Variants in PTPN14 observed in about 807,000 individuals in gnomAD.
PTPN14 encodes the protein protein tyrosine phosphatase non-receptor type 14.
In PTPN14, 53 loss-of-function variants were observed where a neutral mutation model predicts 126.8. That is an observed-to-expected ratio of 0.42 (90% CI 0.34 to 0.53). PTPN14 has a LOEUF of 0.53. Among genes scored for constraint, PTPN14 ranks in the 20% least tolerant of loss-of-function variants. The pLI, the probability that PTPN14 is intolerant of heterozygous loss-of-function variation, is 0.08. For missense variants in PTPN14, 1,257 were observed against 1,552.9 expected (o/e 0.81, Z 3.20); for synonymous variants, 630 against 599.3 (o/e 1.05, Z -0.75).
chr1:214,504,026 T>C (rs1446130784), intron 1 of PTPN14, among the ~76,000 whole-genome samples: 1 of 152,162 alleles, frequency 6.6e-6, no homozygotes, highest in East Asian at 1.9e-4. Context: ...ACACCTCTTC[T>C]GTAGAACCAG....
At chr1:214,416,590 G>A (rs905396778) in intron 3 of PTPN14, among the ~76,000 whole-genome samples, 2 of 152,204 alleles carry the variant, frequency 1.3e-5, no homozygotes, top group African/African-American at 4.8e-5. Flanking sequence ...CATGTAGGTT[G>A]GGTGTAGGAT....
chr1:214,415,548 TC>T (rs1281093153), intron 3 of PTPN14, among the ~76,000 whole-genome samples: 4 of 152,242 alleles, frequency 2.6e-5, no homozygotes, highest in African/African-American at 9.6e-5. Context: ...ATCCTTTTGC[TC>T]CTGGTAACTG....
chr1:214,419,739 A>G (rs1006004122), intron 3 of PTPN14, among the ~76,000 whole-genome samples: 4 of 152,180 alleles, frequency 2.6e-5, no homozygotes, highest in Non-Finnish European at 4.4e-5. Flanking sequence ...GGGGTACAGG[A>G]GAGCAAAGGG....
At chr1:214,430,381 T>C (rs149828219) in intron 3 of PTPN14, among the ~76,000 whole-genome samples, 29 of 152,358 alleles carry the variant, frequency 1.9e-4, no homozygotes, top group African/African-American at 7.0e-4. Context: ...TTGTCATGGT[T>C]AATTTTATGT....
At chr1:214,523,579 C>T (rs765994196) in intron 1 of PTPN14, among the ~76,000 whole-genome samples, 16 of 152,134 alleles carry the variant, frequency 1.1e-4, no homozygotes, top group South Asian at 6.2e-4. Context: ...GTTTGCTCAA[C>T]GACTAAATTG....
At chr1:214,470,141 T>C (rs1028573347) in intron 1 of PTPN14, among the ~76,000 whole-genome samples, 2 of 151,722 alleles carry the variant, frequency 1.3e-5, no homozygotes, top group African/African-American at 4.8e-5. Context: ...AAAATAAAAA[T>C]AGCTGGACAT....
At chr1:214,376,096 A>G (rs921701452) in intron 15 of PTPN14, 123 bp downstream of exon 15, 9 of 861,164 alleles carry the variant, frequency 1.0e-5, no homozygotes, top group Non-Finnish European at 1.4e-5. Flanking sequence ...TTCAAAAACA[A>G]TCCCTGAGGG....
At chr1:214,461,727 G>A (rs1014897210) in intron 2 of PTPN14, among the ~76,000 whole-genome samples, 1 of 152,226 alleles carries the variant, frequency 6.6e-6, no homozygotes, top group Admixed American at 6.5e-5. Flanking sequence ...GGAAGATCAC[G>A]TGAGCCAGGA....
rs1306876055 is a variant in PTPN14, at chr1:214,355,414, A to G, written c.*2508T>C. On this transcript the variant is annotated 3_prime_UTR_variant, in exon 19 of 19. Coordinates refer to ENST00000366956, the MANE Select transcript of PTPN14 (RefSeq NM_005401.5). ...GAGACCACTTGCTAAAACATCCCTA[A>G]CAGCAGAATATCCCAAGGATGGAAA... 6.6e-6 allele frequency: 1 copy of G among 152,262 alleles called. No individual in the cohort carries two copies. Among genetic ancestry groups the G allele is most frequent in the Non-Finnish European group, 1.5e-5 (1 of 68,046 alleles). 9.4% of individuals were successfully genotyped at this position (152,262 alleles called of 1,614,324 possible).
In PTPN14 at chr1:214,384,865, G is replaced by GA; in HGVS notation, c.1067-78_1067-77insT. On this transcript the variant is annotated intron_variant, in intron 12 of 18. Transcript: ENST00000366956. This position sits in a 1 kb window ranked among gnomAD's most constrained non-coding sequence, Gnocchi z 5.3. ...CAAAGTACATCCTCATACTCATGAG[G>GA]TGACTTTTAATTTAAACAAATCATA... The GA allele has an allele frequency of 6.7e-7, 1 of 1,502,490 alleles. No individual in the cohort carries two copies. Among genetic ancestry groups the GA allele is most frequent in the Non-Finnish European group, 8.9e-7 (1 of 1,120,830 alleles). The allele number at this position is 1,502,490 out of a possible 1,614,324, so 93.1% of individuals were successfully genotyped here.
chr1:214,527,274 T>TA (rs1346714716), intron 1 of PTPN14, among the ~76,000 whole-genome samples: 1 of 152,200 alleles, frequency 6.6e-6, no homozygotes, highest in Admixed American at 6.5e-5. Context: ...CTACAGAATA[T>TA]ATTGGGTCTA....
chr1:214,542,318 C>G (rs1655858624), intron 1 of PTPN14, among the ~76,000 whole-genome samples: 1 of 152,234 alleles, frequency 6.6e-6, no homozygotes, highest in African/African-American at 2.4e-5. Flanking sequence ...AGAAAAGACT[C>G]TAGCATAGAA....
rs3013446 is a variant in PTPN14 at position 214,384,885 on chromosome 1, A to T, written c.1067-97T>A. On this transcript the variant is annotated intron_variant, in intron 12 of 18. Coordinates refer to ENST00000366956, the MANE Select transcript of PTPN14 (RefSeq NM_005401.5). This position sits in a 1 kb window ranked among gnomAD's most constrained non-coding sequence, Gnocchi z 5.3. Reference sequence around the variant, plus strand: ...ATGAGGTGACTTTTAATTTAAACAAATCATAAAAAGTGAAATCCCATGGTC... The same window carrying T: ...ATGAGGTGACTTTTAATTTAAACAATTCATAAAAAGTGAAATCCCATGGTC... 7.0e-7 allele frequency: 1 copy of T among 1,420,922 alleles called. No individual in the cohort carries two copies. Among genetic ancestry groups the T allele is most frequent in the Non-Finnish European group, 9.5e-7 (1 of 1,055,930 alleles). 88.0% of individuals were successfully genotyped at this position (1,420,922 alleles called of 1,614,324 possible).
intron 17 of PTPN14, among the ~76,000 whole-genome samples, chr1:214,365,081 C>A (rs2102511260): frequency 6.6e-6 from 1 of 152,260 alleles, no homozygotes; most frequent in Admixed American, 6.5e-5. Flanking sequence ...CCTTGAAACG[C>A]CCGCCTGTCA....
At chr1:214,411,959 T>A (rs1220830998) in intron 4 of PTPN14, among the ~76,000 whole-genome samples, 1 of 152,202 alleles carries the variant, frequency 6.6e-6, no homozygotes, top group East Asian at 1.9e-4. Flanking sequence ...ACTACATGAA[T>A]TTTTAGAAAT....
At chr1:214,365,381 T>A (rs1254621432) in intron 17 of PTPN14, among the ~76,000 whole-genome samples, 1 of 152,094 alleles carries the variant, frequency 6.6e-6, no homozygotes, top group African/African-American at 2.4e-5. Flanking sequence ...TGACTCCAAT[T>A]AGGCACAAAA....
intron 3 of PTPN14, among the ~76,000 whole-genome samples, chr1:214,449,024 T>TTTTTTTTTTTTTTTTG (rs1553267715): frequency 1.4e-5 from 2 of 141,828 alleles, no homozygotes; most frequent in Non-Finnish European, 1.5e-5. Flanking sequence ...TTTTTTTTTT[T>TTTTTTTTTTTTTTTTG]GAGACGGAGT....
At chr1:214,391,130 T>C in intron 10 of PTPN14, 85 bp from the exon 11 acceptor site, 121 of 850,892 alleles carry the variant, frequency 1.4e-4, no homozygotes, top group Middle Eastern at 2.6e-4. Context: ...AGGAAGAGAA[T>C]AAACAAGACT....
chr1:214,376,043 GTGATAGACA>G lies in PTPN14; in HGVS notation c.2907+167_2907+175del, dbSNP rs1009753383. 7.9e-5 allele frequency among the ~76,000 whole-genome samples: 12 copies of G among 152,274 alleles called. No homozygotes were observed. In the South Asian group the frequency reaches 1.2e-3, roughly 16 times the overall value. The stretch of plus-strand genomic sequence containing the variant: ...GCTGCTAGACTTCCTTCTCTCTGCA[GTGATAGACA>G]TGCCCTTCCACTTGACTAAGAAAAG... On this transcript the variant is annotated intron_variant, in intron 15 of 18. Transcript: ENST00000366956.
Sources: allele counts gnomAD v4.1 joint callset (sites outside exome capture counted in the v4.1 genomes callset), GRCh38; gene constraint gnomAD v4.1.1; non-coding constraint Gnocchi (gnomAD v3.1); transcripts MANE v1.5; gene names NCBI Gene and HGNC (gene_info 2026-07-23, HGNC 2026-07-21).